SLC38A9: variants seen among roughly 807,000 people sequenced by gnomAD.
SLC38A9 encodes solute carrier family 38 member 9, also known as neutral amino acid transporter 9.
Under a neutral mutation model 62.3 loss-of-function variants are expected in SLC38A9, and 48 were observed. That is an observed-to-expected ratio of 0.77 (90% CI 0.61 to 0.98). The LOEUF (loss-of-function observed/expected upper bound fraction) is 0.98, where lower values mean the gene tolerates loss of function less well. SLC38A9 is among the 50% of genes least tolerant of loss of function. The pLI, the probability that SLC38A9 is intolerant of heterozygous loss-of-function variation, is 0.00. For synonymous variants in SLC38A9, 204 were observed against 227.7 expected, an observed-to-expected ratio of 0.90 and a Z score of 0.94; for missense variants, 541 against 679.8, an observed-to-expected ratio of 0.80 and a Z score of 2.27.
At chr5:55,681,764 G>A (rs1337566351) in intron 3 of SLC38A9, among the ~76,000 whole-genome samples, 1 of 152,196 alleles carries the variant, frequency 6.6e-6, no homozygotes, top group Non-Finnish European at 1.5e-5. Context: ...TGACATTAGA[G>A]TCCTTCTGTG....
At chr5:55,691,335 G>C in intron 3 of SLC38A9, 1 of 1,445,288 alleles carries the variant, frequency 6.9e-7, no homozygotes, top group Non-Finnish European at 9.1e-7. Flanking sequence ...ATAAGGGGCA[G>C]AAGAAAAATA....
intron 12 of SLC38A9, among the ~76,000 whole-genome samples, chr5:55,635,967 A>C (rs1744343181): frequency 6.6e-6 from 1 of 152,232 alleles, no homozygotes; most frequent in African/African-American, 2.4e-5. Flanking sequence ...TCAAAAGATA[A>C]TTTAGTTGCC....
intron 2 of SLC38A9, among the ~76,000 whole-genome samples, chr5:55,701,836 CAA>C (rs1346624948): frequency 5.9e-5 from 9 of 152,194 alleles, no homozygotes; most frequent in Non-Finnish European, 5.9e-5. Context: ...TAACTGATCA[CAA>C]AGTTAGTAAG....
chr5:55,653,735 T>C (rs1188686529), intron 9 of SLC38A9, among the ~76,000 whole-genome samples: 1 of 152,048 alleles, frequency 6.6e-6, no homozygotes, highest in Non-Finnish European at 1.5e-5. Flanking sequence ...CTCGGCTCAC[T>C]GCAACCTCTG....
In SLC38A9 at chr5:55,649,216, A is replaced by C; in HGVS notation, c.1051T>G (p.Phe351Val). 2 of 1,588,828 alleles carry C rather than the reference A, an allele frequency of 1.3e-6. No individual in the cohort carries two copies. The highest frequency in any genetic ancestry group is 1.7e-6 in the Non-Finnish European group (2 of 1,169,188). The change falls in exon 11 of 16, where the codon TTT becomes GTT. Residue 351 changes from phenylalanine (F) to valine (V), a missense_variant. Physicochemically the swap from Phe to Val is conservative, Grantham distance 50 (BLOSUM62 -1). Transcript: ENST00000396865. Reference sequence around the variant, plus strand: ...TTGCCAAAAAGCTCACCTGGTACAAAAAATTCTGTTGGTATAAACCAATGA... The same window carrying C: ...TTGCCAAAAAGCTCACCTGGTACAACAAATTCTGTTGGTATAAACCAATGA... ...EFHWFIPTEFFVPEIRFQFPQ... is the reference protein window; with the variant it reads ...EFHWFIPTEFVVPEIRFQFPQ...
At chr5:55,644,847 C>A (rs1206375316) in intron 12 of SLC38A9, among the ~76,000 whole-genome samples, 2 of 152,064 alleles carry the variant, frequency 1.3e-5, no homozygotes, top group Non-Finnish European at 2.9e-5. Context: ...AGGTATATCT[C>A]CTAATGCTAT....
At chr5:55,700,824 G>T (rs1756544391) in intron 2 of SLC38A9, among the ~76,000 whole-genome samples, 1 of 152,170 alleles carries the variant, frequency 6.6e-6, no homozygotes, top group Non-Finnish European at 1.5e-5. Flanking sequence ...TGACAAGCTG[G>T]ATTCACTGGG....
At chr5:55,706,389 A>G (rs963907634) in intron 2 of SLC38A9, among the ~76,000 whole-genome samples, 2 of 152,242 alleles carry the variant, frequency 1.3e-5, no homozygotes, top group East Asian at 3.8e-4. Flanking sequence ...CTTTCTGGAA[A>G]TTAATACTTT....
At chr5:55,700,761 C>A (rs559412328) in intron 2 of SLC38A9, among the ~76,000 whole-genome samples, 1 of 152,236 alleles carries the variant, frequency 6.6e-6, no homozygotes, top group Admixed American at 6.5e-5. Context: ...TTTCTCAGTC[C>A]TTAACTTACT....
chr5:55,659,836 G>A (rs1193508206), intron 8 of SLC38A9, among the ~76,000 whole-genome samples: 1 of 151,716 alleles, frequency 6.6e-6, no homozygotes. Context: ...CACGGTCTCC[G>A]CTCACTGCAA....
At chr5:55,643,051 C>G (rs887333005) in intron 12 of SLC38A9, among the ~76,000 whole-genome samples, 1 of 152,176 alleles carries the variant, frequency 6.6e-6, no homozygotes, top group South Asian at 2.1e-4. Context: ...CTTTTGTTTA[C>G]AAGGTCAGAA....
At chr5:55,686,735 G>A (rs1753872484) in intron 3 of SLC38A9, among the ~76,000 whole-genome samples, 1 of 152,016 alleles carries the variant, frequency 6.6e-6, no homozygotes, top group African/African-American at 2.4e-5. Flanking sequence ...GTCTTCCAGG[G>A]TTTTTATAGT....
chr5:55,673,709 C>CTTTTT (rs201596512), intron 3 of SLC38A9, among the ~76,000 whole-genome samples: 1 of 127,600 alleles, frequency 7.8e-6, no homozygotes, highest in African/African-American at 2.9e-5. Flanking sequence ...TTAATCTAAT[C>CTTTTT]TTTTTTTTTT....
In SLC38A9 at chr5:55,659,378, G is replaced by GTTT. The variant is rs35686566; in HGVS notation, c.698-2607_698-2605dup. Reference sequence around the variant, plus strand: ...ATGAACTATTAAAAAAACTGGAAAGGTTTTTTTTTTTATTTTATTTTGATT... The same window carrying GTTT: ...ATGAACTATTAAAAAAACTGGAAAGGTTTTTTTTTTTTTTATTTTATTTTGATT... On this transcript the variant is annotated intron_variant, in intron 8 of 15. Transcript: ENST00000396865. 6.7e-4 allele frequency among the ~76,000 whole-genome samples: 84 copies of GTTT among 125,590 alleles called. 6 individuals are homozygous for GTTT. Among genetic ancestry groups the GTTT allele is most frequent in the Middle Eastern group, 4.4e-3 (1 of 226 alleles). The allele number at this position is 125,590 out of a possible 152,430, so 82.4% of individuals were successfully genotyped here.
chr5:55,645,748 C>T (rs770522921), intron 12 of SLC38A9, 41 bp downstream of exon 12: 1 of 1,370,048 alleles, frequency 7.3e-7, no homozygotes. Flanking sequence ...AAAATTTATC[C>T]TCGGGAGATA....
At chr5:55,669,992 T>A in intron 4 of SLC38A9, 113 bp from the exon 5 acceptor site, 1 of 975,672 alleles carries the variant, frequency 1.0e-6, no homozygotes, top group Non-Finnish European at 1.5e-6. Flanking sequence ...TTGAACGGAG[T>A]CTCGCCCTGT....
At chr5:55,665,138 G>C (rs1043539252) in intron 7 of SLC38A9, 2 of 183,350 alleles carry the variant, frequency 1.1e-5, no homozygotes, top group Non-Finnish European at 2.2e-5. Flanking sequence ...TTAGACAAAT[G>C]CATCAGTAAG....
intron 1 of SLC38A9, among the ~76,000 whole-genome samples, chr5:55,711,782 G>C (rs1469127612): frequency 6.6e-6 from 1 of 152,140 alleles, no homozygotes; most frequent in Non-Finnish European, 1.5e-5. Flanking sequence ...TCAAGCCCAA[G>C]CGACGGAGCA....
chr5:55,700,170 G>A (rs1277292814), intron 2 of SLC38A9, among the ~76,000 whole-genome samples: 2 of 151,810 alleles, frequency 1.3e-5, no homozygotes, highest in Non-Finnish European at 2.9e-5. Flanking sequence ...GTGAAACCCC[G>A]TCTCTACTAA....
Sources: allele counts gnomAD v4.1 joint callset (sites outside exome capture counted in the v4.1 genomes callset), GRCh38; gene constraint gnomAD v4.1.1; transcripts MANE v1.5; gene names NCBI Gene and HGNC (gene_info 2026-07-23, HGNC 2026-07-21).